STUB1: variants seen among roughly 807,000 people sequenced by gnomAD.
The protein encoded by STUB1 is E3 ubiquitin-protein ligase CHIP.
In STUB1, 37 loss-of-function variants were observed where a neutral mutation model predicts 40.3. The observed-to-expected ratio is 0.92, with a 90% CI of 0.71 to 1.21. The LOEUF is 1.21. Ranked by LOEUF, STUB1 falls within the 50% of genes most tolerant of loss-of-function variation. STUB1 has a pLI of 0.00. For synonymous variants in STUB1, 246 were observed against 171.9 expected, an observed-to-expected ratio of 1.43 and a Z score of -3.37; for missense variants, 460 against 421.9, an observed-to-expected ratio of 1.09 and a Z score of -0.79.
chr16:682,672 T>A lies in STUB1; in HGVS notation c.*183T>A. On this transcript the variant is annotated 3_prime_UTR_variant, in exon 7 of 7. Coordinates refer to ENST00000219548, the MANE Select transcript of STUB1 (RefSeq NM_005861.4). ...GCCGTGATCGTCCCCCTTTGTGGGC[T>A]GGAAAAGCAGGTGAGGGTGGGCTGG... 1 of 1,417,060 alleles carries A rather than the reference T, an allele frequency of 7.1e-7. No homozygotes were observed. The highest frequency in any genetic ancestry group is 9.7e-7 in the Non-Finnish European group (1 of 1,034,658). 87.8% of individuals were successfully genotyped at this position (1,417,060 alleles called of 1,614,324 possible). A position where few individuals can be genotyped will look rare whatever the true frequency, so the allele number is the denominator to read the frequency against.
rs1046869202 is a variant in STUB1, at chr16:680,626, A to G, written c.101A>G (p.Asn34Ser). The G allele has an allele frequency of 3.6e-6, 5 of 1,388,568 alleles. No individual in the cohort carries two copies. The highest frequency in any genetic ancestry group is 4.7e-6 in the Non-Finnish European group (5 of 1,060,302). The allele number at this position is 1,388,568 out of a possible 1,614,324, so 86.0% of individuals were successfully genotyped here. A position where few individuals can be genotyped will look rare whatever the true frequency, so the allele number is the denominator to read the frequency against. Residue 34 changes from asparagine to serine, a missense_variant, in exon 1 of 7, where the codon AAT (asparagine) becomes AGT (serine). Transcript: ENST00000219548. The surrounding 1 kb of genome is among the most constrained non-coding windows in gnomAD (Gnocchi z 4.9). ...GCGCAGGAGCTCAAGGAGCAGGGCA[A>G]TCGTCTGTTCGTGGGCCGAAAGTAC... ...PSAQELKEQGNRLFVGRKYPE... is the reference protein window; with the variant it reads ...PSAQELKEQGSRLFVGRKYPE...
chr16:682,746 A>T lies in STUB1; in HGVS notation c.*257A>T, dbSNP rs2039725975. 3.8e-6 allele frequency: 6 copies of T among 1,589,372 alleles called. No individual in the cohort carries two copies. Among genetic ancestry groups the T allele is most frequent in the Non-Finnish European group, 5.2e-6 (6 of 1,160,468 alleles). On this transcript the variant is annotated 3_prime_UTR_variant, in exon 7 of 7. Coordinates refer to ENST00000219548, the MANE Select transcript of STUB1 (RefSeq NM_005861.4). ...CTGTGTAATAAAATCCGTGAGCACG[A>T]GGTGGGACGTGCTGGTGTGTGACCG...
In STUB1 at chr16:681,426, C is replaced by T. The variant is rs1336598674; in HGVS notation, c.359-12C>T. ...ACTGGCCAGAGAGTGACGTGAAGCC[C>T]CCGTTCCCCAGCTTACAGCCTGGCC... On this transcript the variant is annotated splice_polypyrimidine_tract_variant and intron_variant, in intron 2 of 6. Coordinates refer to ENST00000219548, the MANE Select transcript of STUB1 (RefSeq NM_005861.4). 2.5e-6 allele frequency: 4 copies of T among 1,609,660 alleles called. No individual in the cohort carries two copies. The highest frequency in any genetic ancestry group is 2.2e-5 in the East Asian group (1 of 44,758).
Position 681,793 on chromosome 16 carries a change from G to A in STUB1, c.525G>A (p.Arg175=), listed in dbSNP as rs2039665942. 6.3e-7 allele frequency: 1 copy of A among 1,594,630 alleles called. No homozygotes were observed. Among genetic ancestry groups the A allele is most frequent in the African/African-American group, 1.3e-5 (1 of 74,828 alleles). ...TGACCGGCTCCTGGTCAACCCCCAG[G>A]GAGCTGGAAGAGTGCCAGCGAAACC... ...LSRLIAAERE[R]ELEECQRNHE... Residue 175 remains arginine (R), a splice_region_variant and synonymous_variant, in exon 4 of 7, where the codon AGG becomes AGA. Coordinates refer to ENST00000219548, the MANE Select transcript of STUB1 (RefSeq NM_005861.4).
rs1293186628 is a variant in STUB1 at position 681,567 on chromosome 16, C to G, written c.488C>G (p.Ser163Cys). The G allele has an allele frequency of 6.2e-7, 1 of 1,611,344 alleles. No homozygotes were observed. Among genetic ancestry groups the G allele is most frequent in the South Asian group, 1.1e-5 (1 of 90,952 alleles). ...ATCCACCAGGAGAGCGAGCTGCACT[C>G]CTACCTCTCCAGGCTCATTGCCGCG... ...RRIHQESELH[S>C]YLSRLIAAER... The change falls in exon 3 of 7, where the codon TCC becomes TGC. Residue 163 changes from serine (S) to cysteine (C), a missense_variant. Physicochemically the swap from Ser to Cys is moderately radical, Grantham distance 112 (BLOSUM62 -1). Transcript: ENST00000219548.
At position 681,289 on chromosome 16, in the gene STUB1, C is replaced by T. The variant is rs1018717158; in HGVS notation, c.297C>T (p.Phe99=). The T allele has an allele frequency of 2.5e-6, 4 of 1,612,780 alleles. No individual in the cohort carries two copies. The highest frequency in any genetic ancestry group is 2.7e-5 in the African/African-American group (2 of 74,942). The change falls in exon 2 of 7, where the codon TTC becomes TTT. Residue 99 remains phenylalanine, a synonymous_variant. Transcript: ENST00000219548. ...LDGQSVKAHF[F]LGQCQLEMES... ...GGCAGTCTGTGAAGGCGCACTTCTT[C>T]CTGGGGCAGTGCCAGCTGGAGATGG...
chr16:680,707 G>A lies in STUB1; in HGVS notation c.159+23G>A, dbSNP rs2039635637. ...ATCGTGAGTGCGCCCGCGCGGGGAGGGCGGCGGCGGTGGCACCGGGGAGGG... is the reference window on the plus strand; with the variant it reads ...ATCGTGAGTGCGCCCGCGCGGGGAGAGCGGCGGCGGTGGCACCGGGGAGGG... On this transcript the variant is annotated intron_variant, in intron 1 of 6. Transcript: ENST00000219548. The surrounding 1 kb of genome is among the most constrained non-coding windows in gnomAD (Gnocchi z 4.9). 2.5e-6 allele frequency: 3 copies of A among 1,210,628 alleles called. No homozygotes were observed. The highest frequency in any genetic ancestry group is 3.1e-6 in the Non-Finnish European group (3 of 970,072). The allele number at this position is 1,210,628 out of a possible 1,614,324, so 75.0% of individuals were successfully genotyped here.
chr16:682,534 C>G lies in STUB1; in HGVS notation c.*45C>G, dbSNP rs771686779. 1 of 1,610,446 alleles carries G rather than the reference C, an allele frequency of 6.2e-7. No individual in the cohort carries two copies. Among genetic ancestry groups the G allele is most frequent in the African/African-American group, 1.3e-5 (1 of 74,914 alleles). On this transcript the variant is annotated 3_prime_UTR_variant, in exon 7 of 7. Transcript: ENST00000219548. ...CGTCCTGGTCCAGGGGAGCCCTGGG[C>G]AGAAGCCCCCGGCCCCTATACATAG...
At position 681,890 on chromosome 16, in the gene STUB1, C is replaced by G; in HGVS notation, c.612+10C>G. The G allele has an allele frequency of 1.2e-6, 2 of 1,612,352 alleles. No homozygotes were observed. The highest frequency in any genetic ancestry group is 1.7e-6 in the Non-Finnish European group (2 of 1,179,448). ...CATTGAGGCCAAGCACGTGAGGGTGCCCCCCACCCACATGTGGGTCTGTGT... is the reference window on the plus strand; with the variant it reads ...CATTGAGGCCAAGCACGTGAGGGTGGCCCCCACCCACATGTGGGTCTGTGT... On this transcript the variant is annotated intron_variant, in intron 4 of 6. Transcript: ENST00000219548.
chr16:681,906 G>C (rs1215672893), intron 4 of STUB1, 26 bp downstream of exon 4: 1 of 1,612,824 alleles, frequency 6.2e-7, no homozygotes, highest in African/African-American at 1.3e-5. Context: ...ACCCACATGT[G>C]GGTCTGTGTG....
At position 682,699 on chromosome 16, in the gene STUB1, C is replaced by T. The variant is rs2039722993; in HGVS notation, c.*210C>T. On this transcript the variant is annotated 3_prime_UTR_variant, in exon 7 of 7. Coordinates refer to ENST00000219548, the MANE Select transcript of STUB1 (RefSeq NM_005861.4). ...GAAAAGCAGGTGAGGGTGGGCTGGG[C>T]TGAGGCCATTGCCGCCACTATCTGT... 1 of 1,479,458 alleles carries T rather than the reference C, an allele frequency of 6.8e-7. No homozygotes were observed. The highest frequency in any genetic ancestry group is 1.9e-5 in the Admixed American group (1 of 51,808). The allele number at this position is 1,479,458 out of a possible 1,614,324, so 91.6% of individuals were successfully genotyped here.
rs955675184 is a variant in STUB1, at chr16:681,574, C to T, written c.495C>T (p.Leu165=). The part of the protein sequence containing the change: ...IHQESELHSY[L]SRLIAAERER... ...AGGAGAGCGAGCTGCACTCCTACCT[C>T]TCCAGGCTCATTGCCGCGGAGCGTG... is the stretch of plus-strand genomic sequence containing the variant. Residue 165 remains leucine, a synonymous_variant, in exon 3 of 7, where the codon CTC becomes CTT. Coordinates refer to ENST00000219548, the MANE Select transcript of STUB1 (RefSeq NM_005861.4). 6.2e-7 allele frequency: 1 copy of T among 1,610,862 alleles called. No homozygotes were observed. Among genetic ancestry groups the T allele is most frequent in the African/African-American group, 1.3e-5 (1 of 74,900 alleles).
Position 682,312 on chromosome 16 carries a change from G to C in STUB1, c.786+31G>C, listed in dbSNP as rs374349238. 4 of 1,612,874 alleles carry C rather than the reference G, an allele frequency of 2.5e-6. No homozygotes were observed. In the African/African-American group the frequency reaches 5.3e-5, roughly 21 times the overall value. On this transcript the variant is annotated intron_variant, in intron 6 of 6. Transcript: ENST00000219548. ...GCCTGCGGCTGGGGGAGCAGGGCCA[G>C]TGGCATGGTCCTGGGCCCCATGACT...
In STUB1 at chr16:680,773, C is replaced by G; in HGVS notation, c.159+89C>G. 9.1e-7 allele frequency: 1 copy of G among 1,096,558 alleles called. No individual in the cohort carries two copies. Among genetic ancestry groups the G allele is most frequent in the East Asian group, 3.9e-5 (1 of 25,686 alleles). 67.9% of individuals were successfully genotyped at this position (1,096,558 alleles called of 1,614,324 possible). ...GCCGGCCCCACCGAGGGTCTGGCTCCTCTTCGGGGCGTGTCCTCGGCTCCC... is the reference window on the plus strand; with the variant it reads ...GCCGGCCCCACCGAGGGTCTGGCTCGTCTTCGGGGCGTGTCCTCGGCTCCC... On this transcript the variant is annotated intron_variant, in intron 1 of 6. Coordinates refer to ENST00000219548, the MANE Select transcript of STUB1 (RefSeq NM_005861.4). The surrounding 1 kb of genome is among the most constrained non-coding windows in gnomAD (Gnocchi z 4.9).
chr16:682,429 G>C lies in STUB1; in HGVS notation c.852G>C (p.Leu284Phe), dbSNP rs756840635. The change falls in exon 7 of 7, where the codon TTG becomes TTC. Residue 284 changes from leucine (L) to phenylalanine (F), a missense_variant. Leu to Phe is a conservative substitution (Grantham distance 22). Coordinates refer to ENST00000219548, the MANE Select transcript of STUB1 (RefSeq NM_005861.4). Reference sequence around the variant, plus strand: ...CCCAGGAACAGCTCATCCCCAACTTGGCTATGAAGGAGGTTATTGACGCAT... The same window carrying C: ...CCCAGGAACAGCTCATCCCCAACTTCGCTATGAAGGAGGTTATTGACGCAT... ...PLTQEQLIPN[L>F]AMKEVIDAFI... The C allele has an allele frequency of 1.9e-6, 3 of 1,613,344 alleles. No individual in the cohort carries two copies. The highest frequency in any genetic ancestry group is 1.3e-5 in the African/African-American group (1 of 74,942).
Position 681,847 on chromosome 16 carries a change from C to A in STUB1, c.579C>A (p.Val193=). 2 of 1,611,874 alleles carry A rather than the reference C, an allele frequency of 1.2e-6. No homozygotes were observed. Among genetic ancestry groups the A allele is most frequent in the African/African-American group, 1.3e-5 (1 of 75,052 alleles). ...NHEGDEDDSH[V]RAQQACIEAK... ...AGGGTGATGAGGACGACAGCCACGT[C>A]CGGGCCCAGCAGGCCTGCATTGAGG... The change falls in exon 4 of 7, where the codon GTC becomes GTA. Residue 193 remains valine (V), a synonymous_variant. Transcript: ENST00000219548.
Position 682,579 on chromosome 16 carries a change from C to T in STUB1, c.*90C>T, listed in dbSNP as rs1414326790. On this transcript the variant is annotated 3_prime_UTR_variant, in exon 7 of 7. Transcript: ENST00000219548. ...ACATAGTTTATGTTCCTGGCCACCC[C>T]GACCGCTTCCCCCAAGTTCTGCTGT... The T allele has an allele frequency of 1.0e-5, 16 of 1,557,404 alleles. No individual in the cohort carries two copies. The highest frequency in any genetic ancestry group is 2.7e-5 in the African/African-American group (2 of 73,848).
rs144505681 is a variant in STUB1 at position 680,837 on chromosome 16, C to T, written c.159+153C>T. 1,540 of 715,060 alleles carry T rather than the reference C, an allele frequency of 2.2e-3. 24 individuals are homozygous for T. In the African/African-American group the frequency reaches 0.028, roughly 13 times the overall value. The allele number at this position is 715,060 out of a possible 1,614,324, so 44.3% of individuals were successfully genotyped here. A position where few individuals can be genotyped will look rare whatever the true frequency, so the allele number is the denominator to read the frequency against. ...GGTTCTCGAGCCCAGCGCCGGGTGC[C>T]GGAGAACGAGGGTGCGATGCTGGAT... On this transcript the variant is annotated intron_variant, in intron 1 of 6. Transcript: ENST00000219548. The surrounding 1 kb of genome is among the most constrained non-coding windows in gnomAD (Gnocchi z 4.9).
Position 681,810 on chromosome 16 carries a change from A to G in STUB1, c.542A>G (p.Gln181Arg), listed in dbSNP as rs780645344. ...AERERELEEC[Q>R]RNHEGDEDDS... Reference sequence around the variant, plus strand: ...ACCCCCAGGGAGCTGGAAGAGTGCCAGCGAAACCACGAGGGTGATGAGGAC... The same window carrying G: ...ACCCCCAGGGAGCTGGAAGAGTGCCGGCGAAACCACGAGGGTGATGAGGAC... The change falls in exon 4 of 7, where the codon CAG (glutamine) becomes CGG (arginine). Residue 181 changes from glutamine to arginine, a missense_variant. Transcript: ENST00000219548. The G allele has an allele frequency of 6.2e-6, 10 of 1,602,972 alleles. No homozygotes were observed. The South Asian group carries it at 1.1e-4, about 18-fold the overall frequency.
Sources: allele counts gnomAD v4.1 joint callset, GRCh38; gene constraint gnomAD v4.1.1; non-coding constraint Gnocchi (gnomAD v3.1); transcripts MANE v1.5; gene names NCBI Gene and HGNC (gene_info 2026-07-23, HGNC 2026-07-21).